INSL6: variants seen among roughly 807,000 people sequenced by gnomAD.
The protein encoded by INSL6 is insulin-like peptide INSL6.
INSL6 carries 16 observed loss-of-function variants against 9.4 expected under a neutral mutation model. The ratio of observed to expected loss-of-function variants is 1.70; its 90% CI spans 1.15 to 2.59. INSL6 has a LOEUF of 2.59. Ranked by LOEUF, INSL6 falls within the 30% of genes most tolerant of loss-of-function variation. INSL6 has a pLI of 0.00. For missense variants in INSL6, 391 were observed against 257.3 expected, an observed-to-expected ratio of 1.52 and a Z score of -3.56; for synonymous variants, 154 against 96.9, an observed-to-expected ratio of 1.59 and a Z score of -3.46.
intron 1 of INSL6, among the ~76,000 whole-genome samples, chr9:5,165,358 T>C (rs1323418998): frequency 6.6e-6 from 1 of 152,222 alleles, no homozygotes; most frequent in East Asian, 1.9e-4. Flanking sequence ...ACTGCCAAAC[T>C]TTTCCACAGT....
At chr9:5,077,511 T>C in the INSL6 span, 8 of 1,452,894 alleles carry the variant, frequency 5.5e-6, no homozygotes, top group Non-Finnish European at 7.4e-6. Flanking sequence ...TGAAAAAGAA[T>C]AAAAATTGTA....
At chr9:5,114,644 G>A in the INSL6 span, 29 of 467,798 alleles carry the variant, frequency 6.2e-5, 1 homozygote, top group South Asian at 4.3e-4. Context: ...ACAGCATGAC[G>A]CAGCCCCGCA....
chr9:5,057,124 G>C, the INSL6 span, among the ~76,000 whole-genome samples: 1 of 151,980 alleles, frequency 6.6e-6, no homozygotes, highest in African/African-American at 2.4e-5. Context: ...ATTATTTTAT[G>C]TTTTTCAGTA....
the INSL6 span, among the ~76,000 whole-genome samples, chr9:5,076,691 C>A: frequency 4.6e-5 from 7 of 151,954 alleles, no homozygotes; most frequent in East Asian, 3.9e-4. Flanking sequence ...ATTTTAGTGC[C>A]TCACAAAGTT....
At chr9:5,084,457 G>A in the INSL6 span, among the ~76,000 whole-genome samples, 4 of 151,958 alleles carry the variant, frequency 2.6e-5, no homozygotes, top group African/African-American at 9.7e-5. Flanking sequence ...TCAATTAGTG[G>A]TATGGTGAAA....
chr9:5,048,358 G>C, the INSL6 span, among the ~76,000 whole-genome samples: 2 of 152,062 alleles, frequency 1.3e-5, no homozygotes, highest in South Asian at 4.1e-4. Flanking sequence ...GGCCAGGCTG[G>C]TCTCGAACTC....
the INSL6 span, among the ~76,000 whole-genome samples, chr9:5,006,587 T>C: frequency 6.6e-6 from 1 of 152,154 alleles, no homozygotes; most frequent in Non-Finnish European, 1.5e-5. Context: ...TTTACAATCA[T>C]GGTAGAAGGT....
At chr9:5,112,660 C>T in the INSL6 span, 3 of 971,736 alleles carry the variant, frequency 3.1e-6, no homozygotes, top group Non-Finnish European at 4.3e-6. Flanking sequence ...AACTCCTTAT[C>T]CTGCACCAGG....
At chr9:5,080,926 T>C in the INSL6 span, among the ~76,000 whole-genome samples, 13 of 139,232 alleles carry the variant, frequency 9.3e-5, no homozygotes, top group East Asian at 4.1e-4. Flanking sequence ...GATGGAGTCT[T>C]ACTCTGTCGC....
chr9:5,184,022 G>A (rs1044489909), intron 1 of INSL6, among the ~76,000 whole-genome samples: 2 of 152,198 alleles, frequency 1.3e-5, no homozygotes, highest in Non-Finnish European at 1.5e-5. Context: ...ATAACAGAAG[G>A]ACAAGGTGAG....
downstream of INSL6, among the ~76,000 whole-genome samples, chr9:5,161,900 G>C (rs1026262676): frequency 6.6e-6 from 1 of 151,838 alleles, no homozygotes; most frequent in Non-Finnish European, 1.5e-5. Context: ...GGGCAACACA[G>C]CAAGACTCTG....
chr9:5,052,436 G>A, the INSL6 span, among the ~76,000 whole-genome samples: 1 of 151,966 alleles, frequency 6.6e-6, no homozygotes, highest in African/African-American at 2.4e-5. Flanking sequence ...TTTAAAAATA[G>A]TGTAGATATT....
At chr9:5,095,893 A>G in the INSL6 span, among the ~76,000 whole-genome samples, 2 of 152,196 alleles carry the variant, frequency 1.3e-5, no homozygotes, top group African/African-American at 4.8e-5. Context: ...CCTAAGTATA[A>G]GCACTACAAC....
At chr9:5,069,202 C>A in the INSL6 span, 7 of 1,595,476 alleles carry the variant, frequency 4.4e-6, no homozygotes, top group Non-Finnish European at 4.3e-6. Context: ...TCCCCCAAAG[C>A]CAAAAGGTAA....
the INSL6 span, among the ~76,000 whole-genome samples, chr9:5,088,417 T>C: frequency 3.3e-5 from 5 of 152,204 alleles, no homozygotes; most frequent in Non-Finnish European, 5.9e-5. Flanking sequence ...TGCAATAATA[T>C]CCAAAATACA....
the INSL6 span, chr9:5,111,546 C>A: frequency 2.7e-6 from 1 of 368,458 alleles, no homozygotes; most frequent in South Asian, 2.1e-5. Context: ...TGTCCCGCCC[C>A]CTTCTACATG....
the INSL6 span, chr9:5,054,438 T>G: frequency 5.6e-6 from 4 of 712,326 alleles, no homozygotes; most frequent in African/African-American, 5.4e-5. This position sits in a 1 kb window ranked among gnomAD's most constrained non-coding sequence, Gnocchi z 4.9. Flanking sequence ...CTTACGCCAC[T>G]TGGCCACTGT....
At chr9:5,143,920 A>G (rs1461558011) in intron 2 of INSL6, among the ~76,000 whole-genome samples, 1 of 150,834 alleles carries the variant, frequency 6.6e-6, no homozygotes, top group Non-Finnish European at 1.5e-5. Flanking sequence ...TCAGCCTCCC[A>G]AAGTGCTGGG....
At chr9:5,080,892 C>CTTTTT in the INSL6 span, among the ~76,000 whole-genome samples, 515 of 95,510 alleles carry the variant, frequency 5.4e-3, no homozygotes, top group Non-Finnish European at 7.6e-3. Context: ...AAGACCTTTT[C>CTTTTT]TTTTTTTTTT....
Sources: allele counts gnomAD v4.1 joint callset (sites outside exome capture counted in the v4.1 genomes callset), GRCh38; gene constraint gnomAD v4.1.1; non-coding constraint Gnocchi (gnomAD v3.1); transcripts MANE v1.5; gene names NCBI Gene and HGNC (gene_info 2026-07-23, HGNC 2026-07-21).